Variants in HS6ST3 observed in about 807,000 individuals in gnomAD.
HS6ST3 encodes heparan sulfate 6-O-sulfotransferase 3.
In HS6ST3, 12 loss-of-function variants were observed where a neutral mutation model predicts 36.7. That is an observed-to-expected ratio of 0.33 (90% confidence interval 0.21 to 0.53). The LOEUF (loss-of-function observed/expected upper bound fraction) is 0.53, where lower values mean the gene tolerates loss of function less well. Ranked by LOEUF, HS6ST3 falls within the 20% of genes least tolerant of loss-of-function variation. The pLI is 0.95. For missense variants in HS6ST3, 584 were observed against 640.9 expected (o/e 0.91, Z 0.96); for synonymous variants, 240 against 257.5 (o/e 0.93, Z 0.65).
At chr13:96,363,744 C>T (rs1476334237) in intron 1 of HS6ST3, among the ~76,000 whole-genome samples, 1 of 151,962 alleles carries the variant, frequency 6.6e-6, no homozygotes, top group Non-Finnish European at 1.5e-5. Context: ...GATACTTCAT[C>T]AGGTTATAGA....
chr13:96,136,910 C>T (rs1199267461), intron 1 of HS6ST3, among the ~76,000 whole-genome samples: 1 of 151,866 alleles, frequency 6.6e-6, no homozygotes. Context: ...TCCTCATATC[C>T]TGTAGACTTT....
intron 1 of HS6ST3, among the ~76,000 whole-genome samples, chr13:96,640,884 TTGTC>T (rs1594824767): frequency 6.6e-6 from 1 of 151,910 alleles, no homozygotes; most frequent in African/African-American, 2.4e-5. Flanking sequence ...TATTTCTAGA[TTGTC>T]TGTTCTGTTC....
chr13:96,324,911 A>G (rs2139416965), intron 1 of HS6ST3, among the ~76,000 whole-genome samples: 1 of 152,296 alleles, frequency 6.6e-6, no homozygotes, highest in South Asian at 2.1e-4. Flanking sequence ...TGTTTTCGCC[A>G]CCTAGTTTGG....
intron 1 of HS6ST3, among the ~76,000 whole-genome samples, chr13:96,325,083 T>A (rs2055023926): frequency 6.6e-6 from 1 of 152,224 alleles, no homozygotes; most frequent in Admixed American, 6.5e-5. Flanking sequence ...AAAACCATGG[T>A]GTATACTGTA....
intron 1 of HS6ST3, among the ~76,000 whole-genome samples, chr13:96,537,691 C>A (rs1296316468): frequency 6.6e-6 from 1 of 152,132 alleles, no homozygotes; most frequent in Non-Finnish European, 1.5e-5. Context: ...ATGTTAAATA[C>A]AATATGACAT....
At chr13:96,463,189 A>T (rs4142574) in intron 1 of HS6ST3, among the ~76,000 whole-genome samples, 118,354 of 152,018 alleles carry the variant, frequency 0.78, 49,055 homozygotes, top group Non-Finnish European at 0.94. Flanking sequence ...GAGACACCCA[A>T]GAAGAAGCTG....
chr13:96,830,963 A>G (rs1490791476), intron 1 of HS6ST3, among the ~76,000 whole-genome samples: 1 of 152,200 alleles, frequency 6.6e-6, no homozygotes, highest in Admixed American at 6.5e-5. Flanking sequence ...CCTGCTCCGC[A>G]ATGGGGTCCT....
intron 1 of HS6ST3, among the ~76,000 whole-genome samples, chr13:96,236,029 C>T (rs1325970824): frequency 6.6e-6 from 1 of 152,144 alleles, no homozygotes; most frequent in Non-Finnish European, 1.5e-5. Flanking sequence ...CCAGAGAGTC[C>T]CTGGCAAACC....
Position 96,417,949 on chromosome 13 carries a change from G to A in HS6ST3, c.707+326380G>A, listed in dbSNP as rs552562222. Reference sequence around the variant, plus strand: ...TGTGTGTTTCTGTTGAATAACACACGTGGACATTTCCACTTGTGTTTATTT... The same window carrying A: ...TGTGTGTTTCTGTTGAATAACACACATGGACATTTCCACTTGTGTTTATTT... On this transcript the variant is annotated intron_variant, in intron 1 of 1. Transcript: ENST00000376705. Among the ~76,000 whole-genome samples, 4 of 152,086 alleles carry A rather than the reference G, an allele frequency of 2.6e-5. No homozygotes were observed. The South Asian group carries it at 6.2e-4, about 24-fold the overall frequency.
intron 1 of HS6ST3, among the ~76,000 whole-genome samples, chr13:96,765,580 CTCTCTCTT>C (rs1389739099): frequency 2.6e-4 from 31 of 118,516 alleles, no homozygotes; most frequent in African/African-American, 7.7e-4. Context: ...TGTATGCGCT[CTCTCTCTT>C]TCTCTCTCTC....
intron 1 of HS6ST3, among the ~76,000 whole-genome samples, chr13:96,364,940 T>C (rs2055256018): frequency 6.6e-6 from 1 of 152,204 alleles, no homozygotes; most frequent in Non-Finnish European, 1.5e-5. Flanking sequence ...TTAAAATTCA[T>C]TTATGATCTC....
At chr13:96,325,603 G>T (rs956332555) in intron 1 of HS6ST3, among the ~76,000 whole-genome samples, 3 of 151,898 alleles carry the variant, frequency 2.0e-5, no homozygotes, top group African/African-American at 7.3e-5. Flanking sequence ...CAAATCCTAT[G>T]CCATTTTCTG....
At chr13:96,099,134 G>A (rs1216830429) in intron 1 of HS6ST3, among the ~76,000 whole-genome samples, 1 of 152,150 alleles carries the variant, frequency 6.6e-6, no homozygotes, top group African/African-American at 2.4e-5. Flanking sequence ...AGTGGAGACA[G>A]GGTTTTACTA....
chr13:96,380,479 T>C (rs1043027696), intron 1 of HS6ST3, among the ~76,000 whole-genome samples: 1 of 152,038 alleles, frequency 6.6e-6, no homozygotes, highest in African/African-American at 2.4e-5. Context: ...TTAGCCAGGC[T>C]CATCTCGAAC....
At chr13:96,515,890 A>G (rs546022986) in intron 1 of HS6ST3, among the ~76,000 whole-genome samples, 14 of 152,300 alleles carry the variant, frequency 9.2e-5, no homozygotes, top group African/African-American at 3.1e-4. Flanking sequence ...AGCGTATAGT[A>G]TAGTCTAAGA....
chr13:96,158,346 G>A (rs2054119744), intron 1 of HS6ST3, among the ~76,000 whole-genome samples: 1 of 152,058 alleles, frequency 6.6e-6, no homozygotes, highest in African/African-American at 2.4e-5. Context: ...TTGAAGTGGA[G>A]CCTCCCAAGG....
At chr13:96,753,479 A>T (rs1416823134) in intron 1 of HS6ST3, among the ~76,000 whole-genome samples, 1 of 152,144 alleles carries the variant, frequency 6.6e-6, no homozygotes, top group Non-Finnish European at 1.5e-5. Flanking sequence ...GTTATTTTAA[A>T]TGTTATCTAT....
At chr13:96,141,495 T>C (rs1160427026) in intron 1 of HS6ST3, among the ~76,000 whole-genome samples, 2 of 151,996 alleles carry the variant, frequency 1.3e-5, no homozygotes, top group African/African-American at 4.8e-5. Context: ...CTGAGACAGG[T>C]GTGCGCCATC....
At chr13:96,318,089 A>G (rs1173866730) in intron 1 of HS6ST3, among the ~76,000 whole-genome samples, 2 of 152,112 alleles carry the variant, frequency 1.3e-5, no homozygotes, top group African/African-American at 4.8e-5. Context: ...TCTTATTACA[A>G]TTGCTTTTGG....
Sources: allele counts gnomAD v4.1 joint callset (sites outside exome capture counted in the v4.1 genomes callset), GRCh38; gene constraint gnomAD v4.1.1; transcripts MANE v1.5; gene names NCBI Gene and HGNC (gene_info 2026-07-23, HGNC 2026-07-21).